The following PLIN3 variants were observed in gnomAD, a reference collection of about 807,000 sequenced individuals.
The protein encoded by PLIN3 is perilipin-3.
In PLIN3, 30 loss-of-function variants were observed where a neutral mutation model predicts 35.9. The observed-to-expected ratio is 0.84, with a 90% confidence interval of 0.62 to 1.13. The LOEUF (loss-of-function observed/expected upper bound fraction) is 1.13, where lower values mean the gene tolerates loss of function less well. Among genes scored for constraint, PLIN3 ranks in the 50% most tolerant of loss-of-function variants. The probability of loss-of-function intolerance (pLI) is 0.00; values close to 1 mark genes in which losing one functional copy is unlikely to be tolerated. For missense variants in PLIN3, 603 were observed against 596.9 expected, an observed-to-expected ratio of 1.01 and a Z score of -0.11; for synonymous variants, 261 against 262.5, an observed-to-expected ratio of 0.99 and a Z score of 0.06.
intron 6 of PLIN3, among the ~76,000 whole-genome samples, chr19:4,846,308 CCT>C (rs928334511): frequency 5.8e-5 from 8 of 136,936 alleles, no homozygotes; most frequent in South Asian, 2.4e-4. Flanking sequence ...AGAGTGAGCC[CCT>C]GTCTCTGGAA....
intron 1 of PLIN3, among the ~76,000 whole-genome samples, chr19:4,864,705 G>A (rs2030793512): frequency 2.6e-5 from 4 of 152,050 alleles, no homozygotes; most frequent in Admixed American, 2.0e-4. Flanking sequence ...GGGGAGGACG[G>A]GGTTCCCCAG....
intron 6 of PLIN3, among the ~76,000 whole-genome samples, chr19:4,846,122 A>C (rs2030087316): frequency 1.3e-5 from 2 of 151,688 alleles, no homozygotes; most frequent in African/African-American, 4.8e-5. Flanking sequence ...AGCTACCAGA[A>C]GGCTGAGGCA....
rs2292149 is a variant in PLIN3, at chr19:4,859,876, G to T, written c.215C>A (p.Ala72Glu). 6.2e-7 allele frequency: 1 copy of T among 1,613,510 alleles called. No individual in the cohort carries two copies. Among genetic ancestry groups the T allele is most frequent in the East Asian group, 2.2e-5 (1 of 44,872 alleles). Residue 72 changes from alanine (A) to glutamate (E), a missense_variant, in exon 3 of 8, where the codon GCG becomes GAG. Physicochemically the swap from Ala to Glu is moderately radical, Grantham distance 107 (BLOSUM62 -1). Transcript: ENST00000221957. The stretch of plus-strand genomic sequence containing the variant: ...CGGCTGAGCCCCGCTGACAGCAGCC[G>T]CCGTGAGGGTCCTCACTCCCTTCTC... Reference protein sequence around the residue: ...AAEKGVRTLTAAAVSGAQPIL... With the variant: ...AAEKGVRTLTEAAVSGAQPIL...
At chr19:4,840,734 C>A (rs979846355) in intron 7 of PLIN3, among the ~76,000 whole-genome samples, 1 of 152,076 alleles carries the variant, frequency 6.6e-6, no homozygotes, top group Non-Finnish European at 1.5e-5. Context: ...CGTGGATCAC[C>A]GAGGTCAGGA....
At position 4,847,699 on chromosome 19, in the gene PLIN3, G is replaced by C. The variant is rs762250452; in HGVS notation, c.826C>G (p.Leu276Val). 5.9e-5 allele frequency: 94 copies of C among 1,599,398 alleles called. No homozygotes were observed. In the East Asian group the frequency reaches 2.1e-3, roughly 35 times the overall value. ...ACCCCCTGGAACCTCACCAGGCTTA[G>C]GACCTGCGACAGCTGCAGCAGAGCC... ...QEALLQLSQVLSLMETVKQGV... is the reference protein window; with the variant it reads ...QEALLQLSQVVSLMETVKQGV... Residue 276 changes from leucine (L) to valine (V), a missense_variant, in exon 6 of 8, where the codon CTA (leucine) becomes GTA (valine). Transcript: ENST00000221957.
chr19:4,862,873 G>C (rs1284924422), intron 1 of PLIN3, among the ~76,000 whole-genome samples: 1 of 152,000 alleles, frequency 6.6e-6, no homozygotes, highest in African/African-American at 2.4e-5. Flanking sequence ...AAAACAACAA[G>C]TGTGGCCAGA....
chr19:4,853,824 A>G (rs994885197), intron 4 of PLIN3, among the ~76,000 whole-genome samples: 1 of 151,874 alleles, frequency 6.6e-6, no homozygotes, highest in Admixed American at 6.6e-5. Flanking sequence ...AAAAAAAAAC[A>G]AAAACAAACA....
chr19:4,844,006 G>A (rs902000316), intron 7 of PLIN3, among the ~76,000 whole-genome samples: 8 of 152,122 alleles, frequency 5.3e-5, no homozygotes, highest in Non-Finnish European at 1.2e-4. Flanking sequence ...ATCTCCTTCT[G>A]TTGCCCAGGC....
At chr19:4,851,209 G>T (rs964225675) in intron 5 of PLIN3, among the ~76,000 whole-genome samples, 3 of 152,090 alleles carry the variant, frequency 2.0e-5, no homozygotes, top group Non-Finnish European at 4.4e-5. Flanking sequence ...GCTCACACCT[G>T]TAATCCCAGT....
In PLIN3 at chr19:4,847,672, C is replaced by T. The variant is rs761830899; in HGVS notation, c.834+19G>A. ...GGTGAAGGCTGCTGGCTCAGGGCCCCGACCCCCTGGAACCTCACCAGGCTT... is the reference window on the plus strand; with the variant it reads ...GGTGAAGGCTGCTGGCTCAGGGCCCTGACCCCCTGGAACCTCACCAGGCTT... On this transcript the variant is annotated intron_variant, in intron 6 of 7. Transcript: ENST00000221957. 43 of 1,572,384 alleles carry T rather than the reference C, an allele frequency of 2.7e-5. No homozygotes were observed. The highest frequency in any genetic ancestry group is 3.5e-5 in the Non-Finnish European group (40 of 1,158,802).
intron 2 of PLIN3, 143 bp downstream of exon 2, chr19:4,861,186 A>C: frequency 1.4e-6 from 1 of 727,016 alleles, no homozygotes; most frequent in East Asian, 2.5e-5. Context: ...TGAGTGGTCC[A>C]TACCCCACTG....
At chr19:4,849,371 A>G (rs1033422754) in intron 5 of PLIN3, among the ~76,000 whole-genome samples, 1 of 149,692 alleles carries the variant, frequency 6.7e-6, no homozygotes, top group Non-Finnish European at 1.5e-5. Context: ...GCAGCGGTGC[A>G]ATCATAGCTC....
intron 5 of PLIN3, among the ~76,000 whole-genome samples, chr19:4,849,585 C>A (rs1046772960): frequency 6.6e-6 from 1 of 151,962 alleles, no homozygotes; most frequent in Non-Finnish European, 1.5e-5. Flanking sequence ...TGTGAGCCAC[C>A]ACGCCTGGCC....
rs768641790 is a variant in PLIN3 at position 4,859,848 on chromosome 19, G to A, written c.243C>T (p.Ile81=). Residue 81 remains isoleucine (I), a synonymous_variant, in exon 3 of 8, where the codon ATC becomes ATT. Coordinates refer to ENST00000221957, the MANE Select transcript of PLIN3 (RefSeq NM_005817.5). Reference sequence around the variant, plus strand: ...CACTCTGGGGCTCCAGCTTGGAGAGGATCGGCTGAGCCCCGCTGACAGCAG... The same window carrying A: ...CACTCTGGGGCTCCAGCTTGGAGAGAATCGGCTGAGCCCCGCTGACAGCAG... The part of the protein sequence containing the change: ...TAAAVSGAQP[I]LSKLEPQIAS... 1.9e-6 allele frequency: 3 copies of A among 1,613,000 alleles called. No individual in the cohort carries two copies. Among genetic ancestry groups the A allele is most frequent in the Non-Finnish European group, 2.5e-6 (3 of 1,179,958 alleles).
chr19:4,861,923 A>G (rs1297642023), intron 1 of PLIN3, among the ~76,000 whole-genome samples: 7 of 146,218 alleles, frequency 4.8e-5, no homozygotes, highest in Non-Finnish European at 1.1e-4. Context: ...GTGAGCCACC[A>G]CACCTGATCC....
At position 4,839,978 on chromosome 19, in the gene PLIN3, TTTTTTTTGAGATA is replaced by T. The variant is rs1186329296; in HGVS notation, c.961-455_961-443del. Among the ~76,000 whole-genome samples, 5 of 148,842 alleles carry T rather than the reference TTTTTTTTGAGATA, an allele frequency of 3.4e-5. No individual in the cohort carries two copies. In the East Asian group the frequency reaches 9.9e-4, roughly 29 times the overall value. ...CCGTGCCCGGCCCTTTTTTTTTTTT[TTTTTTTTGAGATA>T]GAGTCTTGCTCTGTTGCCCAGGTTG... On this transcript the variant is annotated intron_variant, in intron 7 of 7. Coordinates refer to ENST00000221957, the MANE Select transcript of PLIN3 (RefSeq NM_005817.5).
chr19:4,867,034 C>A (rs555712760), intron 1 of PLIN3: 1 of 152,406 alleles, frequency 6.6e-6, no homozygotes, highest in Non-Finnish European at 1.5e-5. Flanking sequence ...AACGGATAGG[C>A]CTTCCTACTT....
At chr19:4,865,097 C>G (rs537428654) in intron 1 of PLIN3, among the ~76,000 whole-genome samples, 9 of 152,182 alleles carry the variant, frequency 5.9e-5, no homozygotes, top group African/African-American at 2.2e-4. Flanking sequence ...GAGACTGAGG[C>G]AGGGGAATTG....
Position 4,839,489 on chromosome 19 carries a change from T to G in PLIN3, c.1008A>C (p.Gln336His). The change falls in exon 8 of 8, where the codon CAA (glutamine) becomes CAC (histidine). Residue 336 changes from glutamine (Q) to histidine (H), a missense_variant. Physicochemically the swap from Gln to His is conservative, Grantham distance 24. Coordinates refer to ENST00000221957, the MANE Select transcript of PLIN3 (RefSeq NM_005817.5). ...CCAGGGAGGTACAGGTGGCCTGCAG[T>G]TGCTGGGCAATGTCCCGGAACATGG... ...ALTMFRDIAQ[Q>H]LQATCTSLGS... 1.3e-6 allele frequency: 2 copies of G among 1,549,010 alleles called. No homozygotes were observed. The highest frequency in any genetic ancestry group is 1.8e-6 in the Non-Finnish European group (2 of 1,142,626).
Sources: gnomAD v4.1 joint callset for allele counts (sites outside exome capture counted in the v4.1 genomes callset) on GRCh38, gnomAD v4.1.1 for gene constraint, MANE v1.5 for transcripts, NCBI Gene and HGNC (gene_info 2026-07-23, HGNC 2026-07-21) for gene names.